ARHGEF1: variants seen among roughly 807,000 people sequenced by gnomAD.
ARHGEF1 encodes the protein Rho guanine nucleotide exchange factor 1.
Under a neutral mutation model 119.7 loss-of-function variants are expected in ARHGEF1, and 40 were observed. The ratio of observed to expected loss-of-function variants is 0.33; its 90% CI spans 0.26 to 0.44. The LOEUF (loss-of-function observed/expected upper bound fraction) is 0.44. ARHGEF1 is among the 20% of genes least tolerant of loss of function. The pLI is 1.00. For missense variants in ARHGEF1, 976 were observed against 1,268.3 expected (o/e 0.77, Z 3.50); for synonymous variants, 494 against 521.0 (o/e 0.95, Z 0.71).
At chr19:41,910,282 G>T (rs553740475), downstream of ARHGEF1, among the ~76,000 whole-genome samples, 1 of 152,166 alleles carries the variant, frequency 6.6e-6, no homozygotes, top group South Asian at 2.1e-4. The surrounding 1 kb of genome is among the most constrained non-coding windows in gnomAD (Gnocchi z 4.4). Flanking sequence ...CCAAATAAGG[G>T]CAAGAACCCA....
intron 1 of ARHGEF1, chr19:41,928,104 A>G (rs1045563921): frequency 6.6e-6 from 1 of 152,114 alleles, no homozygotes; most frequent in South Asian, 2.1e-4. Context: ...TCCCGCAGCC[A>G]TGGCCCCCGC....
chr19:41,895,509 C>T, intron 12 of ARHGEF1, 23 bp downstream of exon 12: 1 of 1,573,904 alleles, frequency 6.4e-7, no homozygotes, highest in Non-Finnish European at 8.7e-7. Flanking sequence ...TGGGCCAGGG[C>T]TCCATGAGGC....
At chr19:41,908,151 C>T (rs1285879563), downstream of ARHGEF1, 51 of 1,153,484 alleles carry the variant, frequency 4.4e-5, no homozygotes, top group Non-Finnish European at 5.3e-5. This position sits in a 1 kb window ranked among gnomAD's most constrained non-coding sequence, Gnocchi z 6.7. Flanking sequence ...TGGTCCTGGG[C>T]CTTGGGCCAG....
chr19:41,911,980 C>T (rs1033431712), downstream of ARHGEF1, among the ~76,000 whole-genome samples: 2 of 151,970 alleles, frequency 1.3e-5, no homozygotes, highest in African/African-American at 4.8e-5. Context: ...GCATCCCCCC[C>T]ACAGCCCCAA....
intron 1 of ARHGEF1, among the ~76,000 whole-genome samples, chr19:41,925,845 TAAG>T (rs1237607666): frequency 3.3e-5 from 5 of 151,382 alleles, no homozygotes; most frequent in African/African-American, 1.2e-4. Flanking sequence ...TTGGGGTGGT[TAAG>T]GAGGTGCAAC....
Position 41,925,178 on chromosome 19 carries a change from A to G in ARHGEF1, c.140+1945A>G, listed in dbSNP as rs186404970. On this transcript the variant is annotated intron_variant, in intron 1 of 2. Coordinates refer to the ARHGEF1 transcript ENST00000594417. The stretch of plus-strand genomic sequence containing the variant: ...GCATAGTGGGTGTCGAAGCCTCGGT[A>G]TCTGTTTGCTGATTAAATGATTTGA... Among the ~76,000 whole-genome samples, 116 of 152,266 alleles carry G rather than the reference A, an allele frequency of 7.6e-4. 2 individuals carry two copies. The highest frequency in any genetic ancestry group is 2.7e-3 in the African/African-American group (113 of 41,546).
downstream of ARHGEF1, chr19:41,910,008 G>A (rs2074743467): frequency 6.2e-7 from 1 of 1,613,656 alleles, no homozygotes; most frequent in East Asian, 2.2e-5. This position sits in a 1 kb window ranked among gnomAD's most constrained non-coding sequence, Gnocchi z 4.4. Context: ...TCCTCCTTCT[G>A]CAGCAGCTCC....
At chr19:41,884,352 G>A in intron 1 of ARHGEF1, 2 of 1,443,290 alleles carry the variant, frequency 1.4e-6, no homozygotes, top group Non-Finnish European at 1.9e-6. Flanking sequence ...TAGAGCGGCT[G>A]GCAGGAGGAG....
intron 1 of ARHGEF1, among the ~76,000 whole-genome samples, chr19:41,887,469 TG>T (rs1407169724): frequency 6.6e-6 from 1 of 152,028 alleles, no homozygotes; most frequent in Non-Finnish European, 1.5e-5. Flanking sequence ...GAAGAACTTC[TG>T]GGTTTGGGGA....
At chr19:41,909,964 G>A (rs1259726541), downstream of ARHGEF1, 15 of 1,613,740 alleles carry the variant, frequency 9.3e-6, no homozygotes, top group East Asian at 2.2e-5. This position sits in a 1 kb window ranked among gnomAD's most constrained non-coding sequence, Gnocchi z 5.2. Flanking sequence ...CGAATTCCCC[G>A]TAGTCCCCCT....
In ARHGEF1 at chr19:41,893,285, C is replaced by G. The variant is rs2074407921; in HGVS notation, c.626C>G (p.Ser209Cys). 1.9e-6 allele frequency: 3 copies of G among 1,611,120 alleles called. No individual in the cohort carries two copies. The highest frequency in any genetic ancestry group is 2.5e-6 in the Non-Finnish European group (3 of 1,178,970). The stretch of plus-strand genomic sequence containing the variant: ...TCTTCCTCCTACAGACATACCATCT[C>G]TACCGACGAAGAAAAGAGGTGAGGG... The part of the protein sequence containing the change: ...MHLEEMQHTI[S>C]TDEEKSAAVV... Residue 209 changes from serine (S) to cysteine (C), a missense_variant, in exon 8 of 29, where the codon TCT (serine) becomes TGT (cysteine). Ser to Cys is a moderately radical substitution (Grantham distance 112). Transcript: ENST00000354532.
rs1199650661 is a variant in ARHGEF1 at position 41,916,464 on chromosome 19, C to G, written c.1866-6628C>G. 6.6e-6 allele frequency among the ~76,000 whole-genome samples: 1 copy of G among 152,098 alleles called. No homozygotes were observed. The highest frequency in any genetic ancestry group is 2.4e-5 in the African/African-American group (1 of 41,394). ...AGTCACAGATGCACAGAAACAGACA[C>G]ACAGTTTTACACAAATACACACATG... On this transcript the variant is annotated intron_variant, in intron 18 of 20. Coordinates refer to the ARHGEF1 transcript ENST00000599589. This position sits in a 1 kb window ranked among gnomAD's most constrained non-coding sequence, Gnocchi z 5.4.
In ARHGEF1 at chr19:41,902,193, C is replaced by T. The variant is rs544550274; in HGVS notation, c.1415-81C>T. On this transcript the variant is annotated intron_variant, in intron 15 of 28. Transcript: ENST00000354532. The surrounding 1 kb of genome is among the most constrained non-coding windows in gnomAD (Gnocchi z 6.5). The stretch of plus-strand genomic sequence containing the variant: ...ATCAGACACAGACACACCTGCAGCC[C>T]TACCCCCACCACACCGCAGCAGGCC... The T allele has an allele frequency of 6.3e-7, 1 of 1,578,136 alleles. No homozygotes were observed. The highest frequency in any genetic ancestry group is 2.2e-5 in the East Asian group (1 of 44,566).
Position 41,903,293 on chromosome 19 carries a change from T to C in ARHGEF1, c.1739-14T>C. 6.2e-7 allele frequency: 1 copy of C among 1,612,686 alleles called. No individual in the cohort carries two copies. Among genetic ancestry groups the C allele is most frequent in the Non-Finnish European group, 8.5e-7 (1 of 1,179,100 alleles). On this transcript the variant is annotated splice_polypyrimidine_tract_variant and intron_variant, in intron 18 of 28. Coordinates refer to ENST00000354532, the MANE Select transcript of ARHGEF1 (RefSeq NM_004706.4). This position sits in a 1 kb window ranked among gnomAD's most constrained non-coding sequence, Gnocchi z 4.2. ...GCAGGGGTTCACCAGAGCTGCTCTC[T>C]CCCTTGCCTGCAGAAGAGCCCACAG... is the stretch of plus-strand genomic sequence containing the variant.
In ARHGEF1 at chr19:41,916,342, T is replaced by C. The variant is rs2074801604; in HGVS notation, c.1866-6750T>C. 2.0e-5 allele frequency among the ~76,000 whole-genome samples: 3 copies of C among 151,680 alleles called. No homozygotes were observed. Among genetic ancestry groups the C allele is most frequent in the African/African-American group, 7.3e-5 (3 of 41,232 alleles). On this transcript the variant is annotated intron_variant, in intron 18 of 20. Coordinates refer to the ARHGEF1 transcript ENST00000599589. This position sits in a 1 kb window ranked among gnomAD's most constrained non-coding sequence, Gnocchi z 5.4. Reference sequence around the variant, plus strand: ...TCACACACACCAACAAAGCAACGCATACCACTGCTGCCACACACAACCCAC... The same window carrying C: ...TCACACACACCAACAAAGCAACGCACACCACTGCTGCCACACACAACCCAC...
chr19:41,903,954 C>A lies in ARHGEF1; in HGVS notation c.1918-81C>A. 1 of 1,459,950 alleles carries A rather than the reference C, an allele frequency of 6.8e-7. No individual in the cohort carries two copies. Among genetic ancestry groups the A allele is most frequent in the Admixed American group, 1.7e-5 (1 of 57,342 alleles). 90.4% of individuals were successfully genotyped at this position (1,459,950 alleles called of 1,614,324 possible). On this transcript the variant is annotated intron_variant, in intron 20 of 28. Coordinates refer to ENST00000354532, the MANE Select transcript of ARHGEF1 (RefSeq NM_004706.4). The surrounding 1 kb of genome is among the most constrained non-coding windows in gnomAD (Gnocchi z 4.2). ...TCCCCAGCCTGTGGTCATCCCCGGC[C>A]ACTGCCCTGCCCTTCCCCTCCCCAC...
In ARHGEF1 at chr19:41,892,223, C is replaced by T; in HGVS notation, c.324+100C>T. ...TCTGCCCTGAGGGCAGCTGCTGACC[C>T]AGGCCTTCCCCAGCACCCTCGCTTA... On this transcript the variant is annotated intron_variant, in intron 5 of 28. Transcript: ENST00000354532. This position sits in a 1 kb window ranked among gnomAD's most constrained non-coding sequence, Gnocchi z 6.3. The T allele has an allele frequency of 6.4e-7, 1 of 1,565,728 alleles. No homozygotes were observed. Among genetic ancestry groups the T allele is most frequent in the Non-Finnish European group, 8.8e-7 (1 of 1,141,092 alleles).
At chr19:41,924,829 G>A (rs1236751174) in intron 1 of ARHGEF1, among the ~76,000 whole-genome samples, 2 of 152,210 alleles carry the variant, frequency 1.3e-5, no homozygotes, top group South Asian at 2.1e-4. Context: ...AAAGGGGACC[G>A]GTGTTTCTGG....
chr19:41,894,155 T>TGTGTGA, intron 8 of ARHGEF1, 52 bp from the exon 9 acceptor site: 1 of 1,052,540 alleles, frequency 9.5e-7, no homozygotes. Flanking sequence ...TGTGTGTGTG[T>TGTGTGA]GTGTGTGTGT....
Sources: allele counts gnomAD v4.1 joint callset (sites outside exome capture counted in the v4.1 genomes callset), GRCh38; gene constraint gnomAD v4.1.1; non-coding constraint Gnocchi (gnomAD v3.1); transcripts MANE v1.5; gene names NCBI Gene and HGNC (gene_info 2026-07-23, HGNC 2026-07-21).